Variants in CFAP157 observed in about 807,000 individuals in gnomAD.
CFAP157 encodes the protein cilia- and flagella-associated protein 157.
A neutral mutation model predicts 57.8 loss-of-function variants in CFAP157; 43 were observed. That is an observed-to-expected ratio of 0.74 (90% confidence interval 0.58 to 0.96). The LOEUF (loss-of-function observed/expected upper bound fraction) is 0.96. CFAP157 is among the 40% of genes least tolerant of loss of function. The pLI is 0.00. For synonymous variants in CFAP157, 267 were observed against 269.0 expected (o/e 0.99, Z 0.07); for missense variants, 606 against 655.3 (o/e 0.92, Z 0.82).
Position 127,711,478 on chromosome 9 carries a change from C to A in CFAP157, c.837C>A (p.His279Gln), listed in dbSNP as rs1564366169. ...LENTQKVMAR[H>Q]KRGHQKIILM... ...ACACCCAGAAGGTCATGGCCAGGCACAAAAGAGGCCACCAGAAGGTGTGCC... is the reference window on the plus strand; with the variant it reads ...ACACCCAGAAGGTCATGGCCAGGCAAAAAAGAGGCCACCAGAAGGTGTGCC... Residue 279 changes from histidine (H) to glutamine (Q), a missense_variant, in exon 4 of 9, where the codon CAC becomes CAA. By Grantham distance (24) the His-to-Gln change is conservative (BLOSUM62 0). Transcript: ENST00000373295. The A allele has an allele frequency of 5.0e-6, 8 of 1,613,512 alleles. No homozygotes were observed. The highest frequency in any genetic ancestry group is 5.9e-6 in the Non-Finnish European group (7 of 1,179,870).
In CFAP157 at chr9:127,712,879, A is replaced by G. The variant is rs1189425745; in HGVS notation, c.1304+4A>G. Reference sequence around the variant, plus strand: ...CCCATGGCCCACCCAAGGAGAGGTAAGCAAGTGGCCCTGTGTGGCCTCAGA... The same window carrying G: ...CCCATGGCCCACCCAAGGAGAGGTAGGCAAGTGGCCCTGTGTGGCCTCAGA... On this transcript the variant is annotated splice_donor_region_variant and intron_variant, in intron 7 of 8. Transcript: ENST00000373295. 6.2e-7 allele frequency: 1 copy of G among 1,608,312 alleles called. No individual in the cohort carries two copies. Among genetic ancestry groups the G allele is most frequent in the Non-Finnish European group, 8.5e-7 (1 of 1,177,210 alleles).
intron 3 of CFAP157, 52 bp from the exon 4 acceptor site, chr9:127,711,177 A>G: frequency 1.3e-6 from 2 of 1,589,226 alleles, no homozygotes; most frequent in Non-Finnish European, 8.6e-7. Context: ...GGGTGTGCCC[A>G]GGGCTTGTGC....
rs759710036 is a variant in CFAP157, at chr9:127,713,935, T to G, written c.*30T>G. 1 of 1,603,888 alleles carries G rather than the reference T, an allele frequency of 6.2e-7. No individual in the cohort carries two copies. Among genetic ancestry groups the G allele is most frequent in the Non-Finnish European group, 8.5e-7 (1 of 1,170,958 alleles). On this transcript the variant is annotated 3_prime_UTR_variant, in exon 9 of 9. Transcript: ENST00000373295. The stretch of plus-strand genomic sequence containing the variant: ...CAGAGAGAAGAACCTACTCCAGAAA[T>G]GGACTGGTCCAGTCACAGTCACCCC...
In CFAP157 at chr9:127,715,828, G is replaced by C; in HGVS notation, c.*1923G>C. ...GGAACCCAGGCGCCTTCAGTAGCGCGGCGTCACAGTGTCCCTTCGGGACTT... is the reference window on the plus strand; with the variant it reads ...GGAACCCAGGCGCCTTCAGTAGCGCCGCGTCACAGTGTCCCTTCGGGACTT... On this transcript the variant is annotated 3_prime_UTR_variant, in exon 9 of 9. Transcript: ENST00000373295. This position sits in a 1 kb window ranked among gnomAD's most constrained non-coding sequence, Gnocchi z 5.8. The C allele has an allele frequency of 8.7e-7, 1 of 1,145,168 alleles. No individual in the cohort carries two copies. The highest frequency in any genetic ancestry group is 1.2e-6 in the Non-Finnish European group (1 of 814,420). The allele number at this position is 1,145,168 out of a possible 1,614,324, so 70.9% of individuals were successfully genotyped here.
intron 1 of CFAP157, among the ~76,000 whole-genome samples, chr9:127,708,219 C>T (rs574889160): frequency 9.2e-4 from 140 of 152,328 alleles, no homozygotes; most frequent in Middle Eastern, 6.8e-3. Context: ...TGGCTCAGGA[C>T]TGTAATCCCA....
In CFAP157 at chr9:127,711,271, T is replaced by C; in HGVS notation, c.630T>C (p.Asn210=). 2.5e-6 allele frequency: 4 copies of C among 1,614,126 alleles called. No homozygotes were observed. The highest frequency in any genetic ancestry group is 3.4e-6 in the Non-Finnish European group (4 of 1,180,014). Residue 210 remains asparagine, a synonymous_variant, in exon 4 of 9, where the codon AAT becomes AAC. Transcript: ENST00000373295. ...TCCAGCGCGTGAACCTCGTGGCCAA[T>C]GAGTTCCACAAGGTGACCACGAACC... The part of the protein sequence containing the change: ...EIIQRVNLVA[N]EFHKVTTNRM...
At position 127,709,282 on chromosome 9, in the gene CFAP157, G is replaced by A. The variant is rs1289133143; in HGVS notation, c.162-140G>A. On this transcript the variant is annotated intron_variant, in intron 1 of 8. Coordinates refer to ENST00000373295, the MANE Select transcript of CFAP157 (RefSeq NM_001012502.3). The surrounding 1 kb of genome is among the most constrained non-coding windows in gnomAD (Gnocchi z 4.7). ...ACTGTCGGACCAAGGGGCATAGTGG[G>A]AGATGAGGCTGGATTCTGATCACAA... is the stretch of plus-strand genomic sequence containing the variant. 5 of 813,638 alleles carry A rather than the reference G, an allele frequency of 6.1e-6. No homozygotes were observed. The highest frequency in any genetic ancestry group is 7.7e-6 in the Non-Finnish European group (4 of 520,550). The allele number at this position is 813,638 out of a possible 1,614,324, so 50.4% of individuals were successfully genotyped here. A position where few individuals can be genotyped will look rare whatever the true frequency, so the allele number is the denominator to read the frequency against.
chr9:127,713,653 T>C (rs1296482429), intron 8 of CFAP157, 181 bp from the exon 9 acceptor site: 4 of 506,876 alleles, frequency 7.9e-6, no homozygotes, highest in African/African-American at 5.8e-5. Context: ...ATTACAGGCA[T>C]GCACCACCAT....
At position 127,712,800 on chromosome 9, in the gene CFAP157, C is replaced by G. The variant is rs776985946; in HGVS notation, c.1229C>G (p.Ser410Cys). The change falls in exon 7 of 9, where the codon TCC (serine) becomes TGC (cysteine). Residue 410 changes from serine to cysteine, a missense_variant. By Grantham distance (112) the Ser-to-Cys change is moderately radical. Coordinates refer to ENST00000373295, the MANE Select transcript of CFAP157 (RefSeq NM_001012502.3). ...MLQQLLVMLS[S>C]TVATRPQKAA... Reference sequence around the variant, plus strand: ...CAGCAACTGCTGGTCATGCTCAGCTCCACTGTGGCCACGAGACCTCAGAAG... The same window carrying G: ...CAGCAACTGCTGGTCATGCTCAGCTGCACTGTGGCCACGAGACCTCAGAAG... The G allele has an allele frequency of 5.6e-6, 9 of 1,614,184 alleles. No individual in the cohort carries two copies. The highest frequency in any genetic ancestry group is 7.6e-6 in the Non-Finnish European group (9 of 1,180,020).
intron 3 of CFAP157, 75 bp downstream of exon 3, chr9:127,710,829 C>T: frequency 6.7e-7 from 1 of 1,496,048 alleles, no homozygotes; most frequent in African/African-American, 1.4e-5. Flanking sequence ...GTCTTCAGGC[C>T]TCAGCTTCTA....
intron 3 of CFAP157, 98 bp from the exon 4 acceptor site, chr9:127,711,131 T>G: frequency 6.9e-7 from 1 of 1,453,208 alleles, no homozygotes; most frequent in Non-Finnish European, 9.3e-7. Context: ...CATGCTGGTG[T>G]TTAACAGCCC....
chr9:127,710,675 G>A lies in CFAP157; in HGVS notation c.508G>A (p.Glu170Lys). ...EVTDKFTLLEEQVRKQENEFR... is the reference protein window; with the variant it reads ...EVTDKFTLLEKQVRKQENEFR... ...CACGGACAAGTTCACATTGCTGGAG[G>A]AGCAGGTGCGGAAGCAGGAGAATGA... The change falls in exon 3 of 9, where the codon GAG becomes AAG. Residue 170 changes from glutamate (E) to lysine (K), a missense_variant. By Grantham distance (56) the Glu-to-Lys change is moderately conservative. Coordinates refer to ENST00000373295, the MANE Select transcript of CFAP157 (RefSeq NM_001012502.3). The A allele has an allele frequency of 9.5e-6, 15 of 1,581,544 alleles. No homozygotes were observed. Among genetic ancestry groups the A allele is most frequent in the Non-Finnish European group, 1.3e-5 (15 of 1,163,244 alleles).
rs867137147 is a variant in CFAP157 at position 127,714,255 on chromosome 9, C to T, written c.*350C>T. On this transcript the variant is annotated 3_prime_UTR_variant, in exon 9 of 9. Coordinates refer to ENST00000373295, the MANE Select transcript of CFAP157 (RefSeq NM_001012502.3). Reference sequence around the variant, plus strand: ...ACCGCCTCAGGGTGCGCCGGGCGCCCGATACCCACCCGCAGCCTTGGCATT... The same window carrying T: ...ACCGCCTCAGGGTGCGCCGGGCGCCTGATACCCACCCGCAGCCTTGGCATT... The T allele has an allele frequency of 4.1e-5, 66 of 1,613,806 alleles. No individual in the cohort carries two copies. Among genetic ancestry groups the T allele is most frequent in the Non-Finnish European group, 5.3e-5 (62 of 1,179,982 alleles).
Position 127,714,312 on chromosome 9 carries a change from CT to C in CFAP157, c.*410del, listed in dbSNP as rs1842853565. On this transcript the variant is annotated 3_prime_UTR_variant, in exon 9 of 9. Coordinates refer to ENST00000373295, the MANE Select transcript of CFAP157 (RefSeq NM_001012502.3). ...GGGAGAGCCAGAGAGGCCCAGGAAG[CT>C]TTGGCGAGGTGCTGGGGGACCCCTG... 6.2e-7 allele frequency: 1 copy of C among 1,613,950 alleles called. No individual in the cohort carries two copies. The highest frequency in any genetic ancestry group is 1.3e-5 in the African/African-American group (1 of 74,938).
In CFAP157 at chr9:127,714,925, A is replaced by AACCCC; in HGVS notation, c.*1021_*1025dup. The AACCCC allele has an allele frequency of 3.2e-6, 1 of 313,266 alleles. No individual in the cohort carries two copies. The highest frequency in any genetic ancestry group is 5.7e-6 in the Non-Finnish European group (1 of 175,364). The allele number at this position is 313,266 out of a possible 1,614,324, so 19.4% of individuals were successfully genotyped here. On this transcript the variant is annotated 3_prime_UTR_variant, in exon 9 of 9. Transcript: ENST00000373295. ...TGCTCCCCTCTGGCCCCCGCGCCCC[A>AACCCC]ACCCCCACCCCCTTGGCCCGCCCGC...
chr9:127,710,673 A>T lies in CFAP157; in HGVS notation c.506A>T (p.Glu169Val). 1 of 1,583,210 alleles carries T rather than the reference A, an allele frequency of 6.3e-7. No individual in the cohort carries two copies. The highest frequency in any genetic ancestry group is 1.2e-5 in the South Asian group (1 of 86,558). The change falls in exon 3 of 9, where the codon GAG becomes GTG. Residue 169 changes from glutamate (E) to valine (V), a missense_variant. By Grantham distance (121) the Glu-to-Val change is moderately radical. Coordinates refer to ENST00000373295, the MANE Select transcript of CFAP157 (RefSeq NM_001012502.3). ...GTCACGGACAAGTTCACATTGCTGG[A>T]GGAGCAGGTGCGGAAGCAGGAGAAT... Reference protein sequence around the residue: ...EEVTDKFTLLEEQVRKQENEF... With the variant: ...EEVTDKFTLLVEQVRKQENEF...
chr9:127,710,848 G>A (rs1016167511), intron 3 of CFAP157, 94 bp downstream of exon 3: 2 of 1,405,952 alleles, frequency 1.4e-6, no homozygotes, highest in African/African-American at 1.4e-5. Context: ...TAACTGGGGG[G>A]TTAGATGGGG....
intron 3 of CFAP157, 130 bp downstream of exon 3, chr9:127,710,884 GC>G: frequency 9.6e-7 from 1 of 1,047,076 alleles, no homozygotes; most frequent in Non-Finnish European, 1.4e-6. Flanking sequence ...CCGACAACCT[GC>G]TACTCCTTGG....
intron 8 of CFAP157, 190 bp downstream of exon 8, chr9:127,713,396 C>G: frequency 1.9e-6 from 1 of 518,154 alleles, no homozygotes; most frequent in Non-Finnish European, 3.3e-6. Flanking sequence ...CACACATGCC[C>G]TGGGAGGGGG....
Sources: gnomAD v4.1 joint callset for allele counts (sites outside exome capture counted in the v4.1 genomes callset) on GRCh38, gnomAD v4.1.1 for gene constraint, Gnocchi (gnomAD v3.1) non-coding constraint, MANE v1.5 for transcripts, NCBI Gene and HGNC (gene_info 2026-07-23, HGNC 2026-07-21) for gene names.